The following ADAD2 variants were observed in gnomAD, a reference collection of about 807,000 sequenced individuals.
The protein encoded by ADAD2 is adenosine deaminase domain-containing protein 2.
In ADAD2, 60 loss-of-function variants were observed where a neutral mutation model predicts 54.5. The observed-to-expected ratio is 1.10, with a 90% CI of 0.89 to 1.36. ADAD2 has a LOEUF of 1.36. ADAD2 is among the 40% of genes most tolerant of loss of function. ADAD2 has a pLI of 0.00. For synonymous variants in ADAD2, 543 were observed against 366.2 expected (o/e 1.48, Z -5.51); for missense variants, 1,103 against 801.3 (o/e 1.38, Z -4.54).
Position 84,195,210 on chromosome 16 carries a change from G to C in ADAD2, c.733+16G>C. ...CTGGAGAGGGGTAGGGATCGCCCCA[G>C]CCCTGGCCCTGGCCCCGGCCCCCTG... On this transcript the variant is annotated intron_variant, in intron 4 of 9. Transcript: ENST00000315906. The C allele has an allele frequency of 6.2e-7, 1 of 1,610,898 alleles. No individual in the cohort carries two copies. Among genetic ancestry groups the C allele is most frequent in the Middle Eastern group, 1.7e-4 (1 of 6,056 alleles).
At position 84,191,229 on chromosome 16, in the gene ADAD2, C is replaced by CT. The variant is rs1156432595; in HGVS notation, c.-2_-1insT. Reference sequence around the variant, plus strand: ...TAGCGCCTCAGATCTTCGTTGGCGGCCATGGCTTCGGCTTCTCAGGGCGCT... The same window carrying CT: ...TAGCGCCTCAGATCTTCGTTGGCGGCTCATGGCTTCGGCTTCTCAGGGCGCT... On this transcript the variant is annotated 5_prime_UTR_variant, in exon 1 of 10. Transcript: ENST00000315906. The CT allele has an allele frequency of 1.2e-6, 2 of 1,606,872 alleles. No individual in the cohort carries two copies. Among genetic ancestry groups the CT allele is most frequent in the African/African-American group, 1.3e-5 (1 of 74,814 alleles).
Position 84,191,596 on chromosome 16 carries a change from G to T in ADAD2, c.366G>T (p.Glu122Asp). The change falls in exon 1 of 10, where the codon GAG becomes GAT. Residue 122 changes from glutamate to aspartate, a missense_variant. Glu to Asp is a conservative substitution (Grantham distance 45, BLOSUM62 2). Coordinates refer to ENST00000315906, the MANE Select transcript of ADAD2 (RefSeq NM_001145400.2). ...PASQAVSLLT[E>D]YAASLGIFLL... ...GCCAGGCCGTGTCCTTGCTCACGGA[G>T]TACGCGGCCAGCCTGGGCATCTTCC... 6.4e-7 allele frequency: 1 copy of T among 1,551,576 alleles called. No individual in the cohort carries two copies.
At chr16:84,196,818 C>T in intron 9 of ADAD2, 51 bp downstream of exon 9, 2 of 1,598,738 alleles carry the variant, frequency 1.3e-6, no homozygotes, top group Non-Finnish European at 1.7e-6. Flanking sequence ...CCCTGCAGTC[C>T]CTGCCCCCTG....
At position 84,195,349 on chromosome 16, in the gene ADAD2, G is replaced by C; in HGVS notation, c.787G>C (p.Gly263Arg). Reference sequence around the variant, plus strand: ...GGAGATCTACAAGCTGGTGGCTCTGGGCACCGGCAGCAGCTGCTGTGCTGG... The same window carrying C: ...GGAGATCTACAAGCTGGTGGCTCTGCGCACCGGCAGCAGCTGCTGTGCTGG... The part of the protein sequence containing the change: ...VKEIYKLVAL[G>R]TGSSCCAGWL... The change falls in exon 5 of 10, where the codon GGC becomes CGC. Residue 263 changes from glycine to arginine, a missense_variant. Transcript: ENST00000315906. 1 of 1,609,616 alleles carries C rather than the reference G, an allele frequency of 6.2e-7. No homozygotes were observed. Among genetic ancestry groups the C allele is most frequent in the Non-Finnish European group, 8.5e-7 (1 of 1,179,584 alleles).
At chr16:84,192,817 T>A (rs1238866147) in intron 1 of ADAD2, 1 of 152,114 alleles carries the variant, frequency 6.6e-6, no homozygotes, top group Non-Finnish European at 1.5e-5. Flanking sequence ...GTGCTGGGAT[T>A]ATAGGTTAGA....
At position 84,195,524 on chromosome 16, in the gene ADAD2, T is replaced by C; in HGVS notation, c.885-6T>C. ...TTCCCAACCACCCTGTGCCTGTCGC[T>C]CCTAGGTTCTTGTTCCGGCAGCTCC... On this transcript the variant is annotated splice_region_variant and splice_polypyrimidine_tract_variant and intron_variant, in intron 5 of 9. Transcript: ENST00000315906. 1 of 1,599,386 alleles carries C rather than the reference T, an allele frequency of 6.3e-7. No homozygotes were observed. Among genetic ancestry groups the C allele is most frequent in the African/African-American group, 1.3e-5 (1 of 74,642 alleles).
At chr16:84,194,156 C>T in intron 1 of ADAD2, 2 of 1,608,804 alleles carry the variant, frequency 1.2e-6, no homozygotes, top group Non-Finnish European at 8.5e-7. Context: ...TCAAGTTGGG[C>T]AAACCGCCTG....
At position 84,191,179 on chromosome 16, in the gene ADAD2, G is replaced by A. The variant is rs1018367841; in HGVS notation, c.-52G>A. The stretch of plus-strand genomic sequence containing the variant: ...GGCACCCGCCCTGCGCGTGTGAAAG[G>A]GCGAGAGCAGCGCGAGATAGGGCCT... On this transcript the variant is annotated 5_prime_UTR_variant, in exon 1 of 10. Coordinates refer to ENST00000315906, the MANE Select transcript of ADAD2 (RefSeq NM_001145400.2). 6.4e-6 allele frequency: 10 copies of A among 1,573,178 alleles called. No homozygotes were observed. Among genetic ancestry groups the A allele is most frequent in the Non-Finnish European group, 8.6e-6 (10 of 1,156,432 alleles).
Position 84,194,504 on chromosome 16 carries a change from G to T in ADAD2, c.481G>T (p.Ala161Ser). ...LDGVVCPAGT[A>S]NSKTEAKQQA... ...TGGGGTGGTCTGCCCTGCGGGCACTGCGAATAGCAAGACGGAGGCCAAACA... is the reference window on the plus strand; with the variant it reads ...TGGGGTGGTCTGCCCTGCGGGCACTTCGAATAGCAAGACGGAGGCCAAACA... Residue 161 changes from alanine (A) to serine (S), a missense_variant, in exon 2 of 10, where the codon GCG becomes TCG. Transcript: ENST00000315906. 1 of 1,612,372 alleles carries T rather than the reference G, an allele frequency of 6.2e-7. No individual in the cohort carries two copies. Among genetic ancestry groups the T allele is most frequent in the Non-Finnish European group, 8.5e-7 (1 of 1,179,702 alleles).
chr16:84,196,858 C>T lies in ADAD2; in HGVS notation c.1648-12C>T, dbSNP rs989181547. 6.9e-6 allele frequency: 11 copies of T among 1,590,436 alleles called. No homozygotes were observed. Among genetic ancestry groups the T allele is most frequent in the East Asian group, 2.3e-5 (1 of 44,268 alleles). ...TACCTCCTCTCACCCCACCTCTCAT[C>T]TCCCGCCCTAGGCTGGGCCCTACCA... On this transcript the variant is annotated splice_polypyrimidine_tract_variant and intron_variant, in intron 9 of 9. Transcript: ENST00000315906.
Position 84,195,052 on chromosome 16 carries a change from C to T in ADAD2, c.608-17C>T. ...GCGTGGGCCCCCTTCTACCTGCAGT[C>T]TCTCGCCCTGGCGCAGAGAACATCC... On this transcript the variant is annotated splice_polypyrimidine_tract_variant and intron_variant, in intron 3 of 9. Transcript: ENST00000315906. The T allele has an allele frequency of 1.9e-6, 3 of 1,612,746 alleles. No individual in the cohort carries two copies. Among genetic ancestry groups the T allele is most frequent in the Non-Finnish European group, 2.5e-6 (3 of 1,179,414 alleles).
At chr16:84,196,614 C>G (rs1475608914) in intron 8 of ADAD2, 33 bp from the exon 9 acceptor site, 1 of 1,607,578 alleles carries the variant, frequency 6.2e-7, no homozygotes, top group Admixed American at 1.7e-5. Flanking sequence ...GCTTGTATCT[C>G]TCTGATCTCA....
Position 84,196,058 on chromosome 16 carries a change from G to A in ADAD2, c.1282+14G>A. On this transcript the variant is annotated intron_variant, in intron 7 of 9. Transcript: ENST00000315906. The stretch of plus-strand genomic sequence containing the variant: ...GCCTCATCCTGGGTGAGCACGTGGT[G>A]AGGGCTGGGGGGGTGAGAAGGGAGG... 1.3e-6 allele frequency: 2 copies of A among 1,599,314 alleles called. No homozygotes were observed. The highest frequency in any genetic ancestry group is 1.3e-5 in the African/African-American group (1 of 75,034).
In ADAD2 at chr16:84,196,630, A is replaced by G; in HGVS notation, c.1527-17A>G. On this transcript the variant is annotated splice_polypyrimidine_tract_variant and intron_variant, in intron 8 of 9. Coordinates refer to ENST00000315906, the MANE Select transcript of ADAD2 (RefSeq NM_001145400.2). ...CTTGTATCTCTCTGATCTCAGTGGT[A>G]TCCTCTCTTCATCCAGTGCCGCCCT... 6.2e-7 allele frequency: 1 copy of G among 1,611,492 alleles called. No individual in the cohort carries two copies. Among genetic ancestry groups the G allele is most frequent in the South Asian group, 1.1e-5 (1 of 90,948 alleles).
Position 84,195,197 on chromosome 16 carries a change from A to G in ADAD2, c.733+3A>G. The G allele has an allele frequency of 1.9e-6, 3 of 1,612,378 alleles. No individual in the cohort carries two copies. Among genetic ancestry groups the G allele is most frequent in the Non-Finnish European group, 2.5e-6 (3 of 1,179,478 alleles). ...GGCTGGAGTCATCCTGGAGAGGGGT[A>G]GGGATCGCCCCAGCCCTGGCCCTGG... On this transcript the variant is annotated splice_donor_region_variant and intron_variant, in intron 4 of 9. Coordinates refer to ENST00000315906, the MANE Select transcript of ADAD2 (RefSeq NM_001145400.2).
chr16:84,191,773 G>A (rs1298938630), intron 1 of ADAD2, 125 bp downstream of exon 1: 29 of 1,409,006 alleles, frequency 2.1e-5, no homozygotes, highest in Non-Finnish European at 2.8e-5. Context: ...GACACCGCCG[G>A]AGCAGGACCT....
Position 84,196,018 on chromosome 16 carries a change from CACTCT to C in ADAD2, c.1259_1263del (p.Leu420GlnfsTer8). 1 of 1,599,114 alleles carries C rather than the reference CACTCT, an allele frequency of 6.3e-7. No homozygotes were observed. Among genetic ancestry groups the C allele is most frequent in the Middle Eastern group, 1.7e-4 (1 of 6,060 alleles). On this transcript the variant is annotated frameshift_variant, in exon 7 of 10. Transcript: ENST00000315906. LOFTEE classifies it high-confidence loss of function. ...GCCCTGCTGGCCCACCTGGTGTCCCCACTCTACAGCACCAGCCTCATCCTGGGTGA... is the reference window on the plus strand; with the variant it reads ...GCCCTGCTGGCCCACCTGGTGTCCCCACAGCACCAGCCTCATCCTGGGTGA...
In ADAD2 at chr16:84,195,551, G is replaced by C. The variant is rs766363314; in HGVS notation, c.906G>C (p.Leu302=). 6.3e-6 allele frequency: 10 copies of C among 1,598,082 alleles called. No individual in the cohort carries two copies. The Admixed American group carries it at 1.5e-4, about 25-fold the overall frequency. Residue 302 remains leucine (L), a synonymous_variant, in exon 6 of 10, where the codon CTG becomes CTC. Transcript: ENST00000315906. ...CTAGGTTCTTGTTCCGGCAGCTCCT[G>C]CTGGCCACACAGGGGGGCCCCAAGG... ...ALLRFLFRQL[L]LATQGGPKGK...
chr16:84,194,893 C>A (rs1295821520), intron 2 of ADAD2, 40 bp from the exon 3 acceptor site: 17 of 1,574,726 alleles, frequency 1.1e-5, no homozygotes, highest in Non-Finnish European at 1.3e-5. Context: ...GAGGGTGGGC[C>A]TTGGCACCCA....
Sources: allele counts gnomAD v4.1 joint callset, GRCh38; gene constraint gnomAD v4.1.1; transcripts MANE v1.5; gene names NCBI Gene and HGNC (gene_info 2026-07-23, HGNC 2026-07-21).